Variants in DTX4 observed in about 807,000 individuals in gnomAD.
DTX4 encodes the protein E3 ubiquitin-protein ligase DTX4.
Under a neutral mutation model 57.6 loss-of-function variants are expected in DTX4, and 28 were observed. The ratio of observed to expected loss-of-function variants is 0.49; its 90% CI spans 0.36 to 0.67. The LOEUF (loss-of-function observed/expected upper bound fraction) is 0.67, where lower values mean the gene tolerates loss of function less well. Among genes scored for constraint, DTX4 ranks in the 30% least tolerant of loss-of-function variants. The pLI is 0.00. For synonymous variants in DTX4, 316 were observed against 331.0 expected (o/e 0.95, Z 0.49); for missense variants, 715 against 836.8 (o/e 0.85, Z 1.80).
intron 7 of DTX4, among the ~76,000 whole-genome samples, chr11:59,196,720 C>G (rs187283733): frequency 6.6e-6 from 1 of 152,082 alleles, no homozygotes; most frequent in Non-Finnish European, 1.5e-5. Context: ...GTGCATGTGA[C>G]GGATCTAGGT....
intron 2 of DTX4, among the ~76,000 whole-genome samples, chr11:59,183,901 G>A (rs1047066060): frequency 1.3e-5 from 2 of 152,196 alleles, no homozygotes; most frequent in Non-Finnish European, 2.9e-5. Context: ...TGTGATCTAA[G>A]TGTTAAGCAC....
chr11:59,176,167 C>T (rs373703932), intron 1 of DTX4, among the ~76,000 whole-genome samples: 4 of 152,098 alleles, frequency 2.6e-5, no homozygotes, highest in Admixed American at 6.5e-5. Flanking sequence ...GAGTTTTAGC[C>T]CCGCCACAAA....
In DTX4 at chr11:59,188,813, G is replaced by C. The variant is rs774995960; in HGVS notation, c.997+17G>C. 2 of 1,609,560 alleles carry C rather than the reference G, an allele frequency of 1.2e-6. No individual in the cohort carries two copies. The highest frequency in any genetic ancestry group is 1.7e-6 in the Non-Finnish European group (2 of 1,176,140). On this transcript the variant is annotated intron_variant, in intron 3 of 8. Transcript: ENST00000227451. ...CCTTGGCAGGTAAGAGAAACCCCAG[G>C]ATGCTCTGGGTTAAGGTAGAGAAAT...
intron 1 of DTX4, among the ~76,000 whole-genome samples, chr11:59,175,592 G>C (rs1425962080): frequency 6.6e-6 from 1 of 152,162 alleles, no homozygotes; most frequent in Admixed American, 6.5e-5. Flanking sequence ...GGTAGAGATG[G>C]GGTGAGATAG....
rs763634151 is a variant in DTX4, at chr11:59,188,829, G to T, written c.997+33G>T. 3.8e-6 allele frequency: 6 copies of T among 1,582,240 alleles called. No homozygotes were observed. The Admixed American group carries it at 8.5e-5, about 22-fold the overall frequency. On this transcript the variant is annotated intron_variant, in intron 3 of 8. Coordinates refer to ENST00000227451, the MANE Select transcript of DTX4 (RefSeq NM_015177.2). The stretch of plus-strand genomic sequence containing the variant: ...AAACCCCAGGATGCTCTGGGTTAAG[G>T]TAGAGAAATCAGAGTGATGAAATAG...
Position 59,192,125 on chromosome 11 carries a change from A to G in DTX4, c.1249A>G (p.Thr417Ala). ...CTGCACCATCTGTATGGAACGCCTC[A>G]CGGCCCCCTCAGGCTACAAGGGCCC... ...EDCTICMERL[T>A]APSGYKGPQP... Residue 417 changes from threonine (T) to alanine (A), a missense_variant, in exon 6 of 9, where the codon ACG becomes GCG. Physicochemically the swap from Thr to Ala is moderately conservative, Grantham distance 58. Transcript: ENST00000227451. 1.2e-6 allele frequency: 2 copies of G among 1,613,680 alleles called. No homozygotes were observed. Among genetic ancestry groups the G allele is most frequent in the Non-Finnish European group, 1.7e-6 (2 of 1,179,874 alleles).
At position 59,181,797 on chromosome 11, in the gene DTX4, C is replaced by T. The variant is rs978082454; in HGVS notation, c.270C>T (p.Gly90=). 1.2e-5 allele frequency: 19 copies of T among 1,613,710 alleles called. No homozygotes were observed. The highest frequency in any genetic ancestry group is 4.5e-5 in the East Asian group (2 of 44,898). The change falls in exon 2 of 9, where the codon GGC becomes GGT. Residue 90 remains glycine, a synonymous_variant. Transcript: ENST00000227451. ...ACCCCTCCTCGGCCCCTGGGAAGGG[C>T]GTGGTGTGGGAGTGGGAGAACGACA... ...YYDPSSAPGK[G]VVWEWENDNG... is the part of the protein sequence containing the mutation.
chr11:59,171,840 A>C (rs1862327407), upstream of DTX4, among the ~76,000 whole-genome samples: 1 of 151,724 alleles, frequency 6.6e-6, no homozygotes, highest in African/African-American at 2.4e-5. Context: ...GGAAAAAAAA[A>C]GAGAGAGAGA....
chr11:59,196,508 A>G (rs1264811755), intron 7 of DTX4, among the ~76,000 whole-genome samples: 1 of 152,240 alleles, frequency 6.6e-6, no homozygotes, highest in Admixed American at 6.5e-5. Context: ...TTCAAAGTCC[A>G]ATGGACCTGG....
chr11:59,172,068 A>T (rs995765131), upstream of DTX4, among the ~76,000 whole-genome samples: 6 of 137,416 alleles, frequency 4.4e-5, no homozygotes, highest in Admixed American at 3.6e-4. Context: ...AGCGGCGGGG[A>T]CTGCAATTCG....
chr11:59,177,454 C>G (rs1354842605), intron 1 of DTX4, among the ~76,000 whole-genome samples: 1 of 152,218 alleles, frequency 6.6e-6, no homozygotes, highest in Non-Finnish European at 1.5e-5. Context: ...CACCTCTCCA[C>G]TCACCTGGAA....
chr11:59,183,327 A>G (rs1862489192), intron 2 of DTX4, among the ~76,000 whole-genome samples: 1 of 152,162 alleles, frequency 6.6e-6, no homozygotes, highest in Non-Finnish European at 1.5e-5. Flanking sequence ...GTGATGACTT[A>G]TTATGTGCCA....
intron 7 of DTX4, among the ~76,000 whole-genome samples, chr11:59,198,588 T>G (rs960397414): frequency 1.3e-5 from 2 of 152,216 alleles, no homozygotes; most frequent in African/African-American, 4.8e-5. Context: ...TTTGGAACCA[T>G]GGTCCATAAT....
chr11:59,198,098 C>G (rs138458717), intron 7 of DTX4, among the ~76,000 whole-genome samples: 1 of 152,204 alleles, frequency 6.6e-6, no homozygotes, highest in Non-Finnish European at 1.5e-5. Flanking sequence ...CACAGGCATG[C>G]GCTTCTGTGA....
intron 7 of DTX4, among the ~76,000 whole-genome samples, chr11:59,198,354 C>G (rs1281282376): frequency 6.6e-6 from 1 of 152,194 alleles, no homozygotes; most frequent in African/African-American, 2.4e-5. Context: ...GATTTAGAAA[C>G]AGCTGGGGCC....
At position 59,208,092 on chromosome 11, in the gene DTX4, T is replaced by C. The variant is rs1226452009; in HGVS notation, c.*3183T>C. 6.6e-6 allele frequency: 1 copy of C among 152,668 alleles called. No homozygotes were observed. The allele number at this position is 152,668 out of a possible 1,614,324, so 9.5% of individuals were successfully genotyped here. On this transcript the variant is annotated 3_prime_UTR_variant, in exon 9 of 9. Transcript: ENST00000227451. ...ACTGGAATGTTTTTGAAGTCTTTGG[T>C]GTTGCTCCGTGAAAGGACATCGCCA...
Position 59,205,926 on chromosome 11 carries a change from C to T in DTX4, c.*1017C>T, listed in dbSNP as rs953985176. On this transcript the variant is annotated 3_prime_UTR_variant, in exon 9 of 9. Transcript: ENST00000227451. ...CACTCTGTTTTGCAAGATGCCAAACCCCAGTTCTGATGGGGCTCCAACAGC... is the reference window on the plus strand; with the variant it reads ...CACTCTGTTTTGCAAGATGCCAAACTCCAGTTCTGATGGGGCTCCAACAGC... 6.6e-6 allele frequency: 1 copy of T among 152,652 alleles called. No homozygotes were observed. Among genetic ancestry groups the T allele is most frequent in the Non-Finnish European group, 1.5e-5 (1 of 68,120 alleles). The allele number at this position is 152,652 out of a possible 1,614,324, so 9.5% of individuals were successfully genotyped here.
chr11:59,174,361 G>T (rs1001085806), intron 1 of DTX4, among the ~76,000 whole-genome samples: 1 of 151,938 alleles, frequency 6.6e-6, no homozygotes, highest in East Asian at 1.9e-4. Context: ...CTTGGGTAAA[G>T]GTTGTGGAGG....
chr11:59,189,016 T>TG, intron 3 of DTX4, 146 bp from the exon 4 acceptor site: 4 of 1,052,330 alleles, frequency 3.8e-6, no homozygotes, highest in Non-Finnish European at 5.5e-6. Flanking sequence ...AATAAGTTTC[T>TG]GGGGAAAGTA....
Sources: gnomAD v4.1 joint callset for allele counts (sites outside exome capture counted in the v4.1 genomes callset) on GRCh38, gnomAD v4.1.1 for gene constraint, MANE v1.5 for transcripts, NCBI Gene and HGNC (gene_info 2026-07-23, HGNC 2026-07-21) for gene names.